Variants in ARL15 observed in about 807,000 individuals in gnomAD.
ARL15 encodes the protein ARF like GTPase 15.
Under a neutral mutation model 25.2 loss-of-function variants are expected in ARL15, and 19 were observed. The ratio of observed to expected loss-of-function variants is 0.75; its 90% CI spans 0.53 to 1.10. ARL15 has a LOEUF of 1.10. Among genes scored for constraint, ARL15 ranks in the 50% least tolerant of loss-of-function variants. ARL15 has a pLI of 0.00. For missense variants in ARL15, 220 were observed against 246.0 expected (o/e 0.89, Z 0.71); for synonymous variants, 94 against 86.8 (o/e 1.08, Z -0.46).
At chr5:54,292,015 A>G (rs1758348519) in intron 1 of ARL15, among the ~76,000 whole-genome samples, 1 of 152,156 alleles carries the variant, frequency 6.6e-6, no homozygotes, top group Non-Finnish European at 1.5e-5. Flanking sequence ...AATAGCCCCA[A>G]TCTATATGCT....
intron 4 of ARL15, among the ~76,000 whole-genome samples, chr5:54,060,129 TAA>T (rs1165458695): frequency 0.13 from 10,415 of 77,250 alleles, 545 homozygotes; most frequent in African/African-American, 0.24. Flanking sequence ...ATCTGATGAC[TAA>T]AAAAAAAAAA....
chr5:54,275,045 C>T (rs1428262742), intron 1 of ARL15, among the ~76,000 whole-genome samples: 1 of 152,070 alleles, frequency 6.6e-6, no homozygotes, highest in Non-Finnish European at 1.5e-5. Context: ...ATAAAGAAAA[C>T]ACTAGATTCA....
intron 4 of ARL15, among the ~76,000 whole-genome samples, chr5:53,952,490 C>A (rs1014000416): frequency 8.6e-5 from 13 of 151,576 alleles, no homozygotes; most frequent in Non-Finnish European, 1.6e-4. Flanking sequence ...ACAAAACGTG[C>A]CTTGGGCCTG....
intron 4 of ARL15, among the ~76,000 whole-genome samples, chr5:54,078,458 G>T (rs990784000): frequency 6.6e-6 from 1 of 152,210 alleles, no homozygotes; most frequent in Non-Finnish European, 1.5e-5. Context: ...AGGAAGCTCA[G>T]TAACTCCTTC....
chr5:54,164,652 T>G (rs566818745), intron 2 of ARL15, among the ~76,000 whole-genome samples: 2 of 152,230 alleles, frequency 1.3e-5, no homozygotes, highest in East Asian at 3.9e-4. Context: ...AAATCTACAT[T>G]GTCTAATATT....
intron 1 of ARL15, among the ~76,000 whole-genome samples, chr5:54,250,334 A>G (rs933835846): frequency 1.3e-5 from 2 of 152,166 alleles, no homozygotes; most frequent in African/African-American, 4.8e-5. Flanking sequence ...CTTCAACATG[A>G]GACTTGGGGG....
intron 4 of ARL15, among the ~76,000 whole-genome samples, chr5:54,027,123 A>T (rs961170448): frequency 6.6e-6 from 1 of 152,212 alleles, no homozygotes; most frequent in Non-Finnish European, 1.5e-5. Flanking sequence ...CTAAAAATTT[A>T]ATTGACTGTC....
chr5:54,021,114 T>C (rs1398053696), intron 4 of ARL15, among the ~76,000 whole-genome samples: 1 of 152,106 alleles, frequency 6.6e-6, no homozygotes, highest in Admixed American at 6.6e-5. Flanking sequence ...GGTGGGCAGA[T>C]AACCTAAGGT....
chr5:54,117,404 C>CACACAA (rs1561230317), intron 3 of ARL15, among the ~76,000 whole-genome samples: 1 of 149,394 alleles, frequency 6.7e-6, no homozygotes, highest in Non-Finnish European at 1.5e-5. Flanking sequence ...CACACACACA[C>CACACAA]ACAAACCCAA....
intron 4 of ARL15, among the ~76,000 whole-genome samples, chr5:53,908,996 A>G (rs998150207): frequency 5.3e-5 from 8 of 152,186 alleles, no homozygotes; most frequent in African/African-American, 1.9e-4. Context: ...CAGAACAGGA[A>G]AAGTTCCATT....
rs1754465268 is a variant in ARL15 at position 54,163,355 on chromosome 5, G to GTTTTTTTTTTTTTTTTTTTTTT, written c.193+8428_193+8429insAAAAAAAAAAAAAAAAAAAAAA. Reference sequence around the variant, plus strand: ...TGTCCATGAGGGCTATTGGTATGAAGCTTTTTTTTTTTTTTTTTTTTTTTT... The same window carrying GTTTTTTTTTTTTTTTTTTTTTT: ...TGTCCATGAGGGCTATTGGTATGAAGTTTTTTTTTTTTTTTTTTTTTTCTTTTTTTTTTTTTTTTTTTTTTTT... On this transcript the variant is annotated intron_variant, in intron 2 of 4. Coordinates refer to ENST00000504924, the MANE Select transcript of ARL15 (RefSeq NM_019087.3). Among the ~76,000 whole-genome samples, 101 of 51,342 alleles carry GTTTTTTTTTTTTTTTTTTTTTT rather than the reference G, an allele frequency of 2.0e-3. 44 individuals carry two copies. The highest frequency in any genetic ancestry group is 3.4e-3 in the African/African-American group (41 of 12,068). 33.7% of individuals were successfully genotyped at this position (51,342 alleles called of 152,430 possible). A position where few individuals can be genotyped will look rare whatever the true frequency, so the allele number is the denominator to read the frequency against.
intron 4 of ARL15, among the ~76,000 whole-genome samples, chr5:53,947,168 GTGT>G (rs1746770018): frequency 1.3e-4 from 2 of 15,520 alleles, no homozygotes; most frequent in Non-Finnish European, 2.3e-4. Context: ...ATAAATAAGG[GTGT>G]GTGTGTGTGT....
At chr5:54,079,672 T>G (rs1266833387) in intron 4 of ARL15, among the ~76,000 whole-genome samples, 1 of 151,992 alleles carries the variant, frequency 6.6e-6, no homozygotes, top group Non-Finnish European at 1.5e-5. Context: ...AAAACAAATT[T>G]AAAGATGCAT....
chr5:54,245,664 T>G (rs1036737830), intron 1 of ARL15, among the ~76,000 whole-genome samples: 5 of 152,130 alleles, frequency 3.3e-5, no homozygotes, highest in Admixed American at 1.3e-4. Context: ...CTTGGCTCAC[T>G]GCAACCTCCG....
intron 4 of ARL15, among the ~76,000 whole-genome samples, chr5:53,959,307 A>G (rs1747282314): frequency 6.6e-6 from 1 of 152,234 alleles, no homozygotes; most frequent in African/African-American, 2.4e-5. Flanking sequence ...AATGACTGCC[A>G]AGATAATACC....
intron 4 of ARL15, among the ~76,000 whole-genome samples, chr5:54,080,749 C>T (rs1751771241): frequency 6.6e-6 from 1 of 152,178 alleles, no homozygotes. Flanking sequence ...GCTGAGTGCT[C>T]TGAAACTCCC....
intron 4 of ARL15, among the ~76,000 whole-genome samples, chr5:54,041,689 T>C (rs1750345163): frequency 6.6e-6 from 1 of 152,240 alleles, no homozygotes; most frequent in Non-Finnish European, 1.5e-5. Context: ...ACTCCAACTC[T>C]GAGGAACTTT....
intron 4 of ARL15, among the ~76,000 whole-genome samples, chr5:54,097,102 G>A (rs975911822): frequency 2.0e-5 from 3 of 152,094 alleles, no homozygotes; most frequent in African/African-American, 4.8e-5. Flanking sequence ...GGCTCATGAG[G>A]TCAAGAGATC....
intron 1 of ARL15, among the ~76,000 whole-genome samples, chr5:54,258,516 G>A (rs1757423546): frequency 6.6e-6 from 1 of 152,186 alleles, no homozygotes; most frequent in African/African-American, 2.4e-5. Context: ...TACACTCTAA[G>A]AGAGTCCACC....
Sources: gnomAD v4.1 joint callset for allele counts (sites outside exome capture counted in the v4.1 genomes callset) on GRCh38, gnomAD v4.1.1 for gene constraint, MANE v1.5 for transcripts, NCBI Gene and HGNC (gene_info 2026-07-23, HGNC 2026-07-21) for gene names.